Variants in NAPB observed in about 807,000 individuals in gnomAD.
The protein encoded by NAPB is NSF attachment protein beta.
NAPB carries 26 observed loss-of-function variants against 44.7 expected under a neutral mutation model. That is an observed-to-expected ratio of 0.58 (90% confidence interval 0.43 to 0.81). NAPB has a LOEUF of 0.81. NAPB is among the 30% of genes least tolerant of loss of function. The pLI is 0.00. For missense variants in NAPB, 315 were observed against 356.4 expected (o/e 0.88, Z 0.94); for synonymous variants, 120 against 116.8 (o/e 1.03, Z -0.18).
Position 23,421,433 on chromosome 20 carries a change from A to T in NAPB, c.-31T>A. The T allele has an allele frequency of 2.0e-6, 3 of 1,534,644 alleles. No homozygotes were observed. Among genetic ancestry groups the T allele is most frequent in the Non-Finnish European group, 2.6e-6 (3 of 1,139,058 alleles). On this transcript the variant is annotated 5_prime_UTR_variant, in exon 1 of 11. Transcript: ENST00000377026. ...CCGCCGCGGCCGCCACAGCCCCCTC[A>T]GCCGGCTCGCTGTGCGCCCAGGCGC... is the stretch of plus-strand genomic sequence containing the variant.
chr20:23,412,231 A>T (rs536979774), intron 1 of NAPB, among the ~76,000 whole-genome samples: 19 of 152,284 alleles, frequency 1.2e-4, no homozygotes, highest in African/African-American at 4.1e-4. Flanking sequence ...GAAGGGTAAA[A>T]GCCATGGCAG....
intron 1 of NAPB, among the ~76,000 whole-genome samples, chr20:23,405,174 A>G (rs1047350729): frequency 6.6e-6 from 1 of 152,044 alleles, no homozygotes; most frequent in African/African-American, 2.4e-5. Flanking sequence ...GTGTGGTGGC[A>G]CATGCCTGTA....
chr20:23,399,150 C>CAGAGCA (rs1000183373), intron 2 of NAPB, among the ~76,000 whole-genome samples: 8 of 152,048 alleles, frequency 5.3e-5, no homozygotes, highest in Non-Finnish European at 1.0e-4. Flanking sequence ...CTCTGTACCA[C>CAGAGCA]AGTTTCTGAT....
chr20:23,405,703 G>A (rs1985204846), intron 1 of NAPB, among the ~76,000 whole-genome samples: 1 of 152,126 alleles, frequency 6.6e-6, no homozygotes, highest in South Asian at 2.1e-4. Context: ...CAGCCTGGGT[G>A]ACACAGAGAC....
intron 1 of NAPB, among the ~76,000 whole-genome samples, chr20:23,413,804 C>T (rs912233022): frequency 1.3e-5 from 2 of 151,702 alleles, no homozygotes; most frequent in African/African-American, 4.8e-5. Flanking sequence ...ATTACAAACT[C>T]CAGAGACAAA....
At chr20:23,408,272 T>C (rs546968349) in intron 1 of NAPB, among the ~76,000 whole-genome samples, 1 of 152,326 alleles carries the variant, frequency 6.6e-6, no homozygotes. Context: ...CTTCTCATTA[T>C]TTACCAGCAG....
At chr20:23,394,662 T>C (rs1984219052) in intron 5 of NAPB, among the ~76,000 whole-genome samples, 1 of 152,222 alleles carries the variant, frequency 6.6e-6, no homozygotes, top group African/African-American at 2.4e-5. Flanking sequence ...TTGGCAATGC[T>C]AATGTTCTGA....
chr20:23,378,837 TGAGACA>T (rs1982750994), intron 10 of NAPB: 1 of 133,696 alleles, frequency 7.5e-6, no homozygotes, highest in Non-Finnish European at 1.7e-5. Flanking sequence ...TTTTTTTTTT[TGAGACA>T]GAGTCTCGCT....
At chr20:23,409,553 T>C (rs561537006) in intron 1 of NAPB, among the ~76,000 whole-genome samples, 51 of 152,370 alleles carry the variant, frequency 3.3e-4, no homozygotes, top group African/African-American at 1.2e-3. Context: ...GCTAGATTAA[T>C]TCAGAAATGA....
At chr20:23,414,174 T>C (rs1287995003) in intron 1 of NAPB, among the ~76,000 whole-genome samples, 1 of 151,946 alleles carries the variant, frequency 6.6e-6, no homozygotes, top group East Asian at 1.9e-4. Flanking sequence ...ATACAAAAAT[T>C]AGCTGGGCAT....
chr20:23,380,710 A>C (rs1260633059), intron 8 of NAPB: 1 of 153,184 alleles, frequency 6.5e-6, no homozygotes, highest in Admixed American at 6.5e-5. Context: ...TTTTTAGTAG[A>C]AACGGGGTTT....
chr20:23,377,320 G>T lies in NAPB; in HGVS notation c.*56C>A. 4 of 1,148,768 alleles carry T rather than the reference G, an allele frequency of 3.5e-6. No individual in the cohort carries two copies. The highest frequency in any genetic ancestry group is 4.3e-5 in the Admixed American group (2 of 46,566). 71.2% of individuals were successfully genotyped at this position (1,148,768 alleles called of 1,614,324 possible). On this transcript the variant is annotated 3_prime_UTR_variant, in exon 11 of 11. Coordinates refer to ENST00000377026, the MANE Select transcript of NAPB (RefSeq NM_022080.3). ...AATAGGCATCCCATAAAGATCACTT[G>T]ACCCTAAGACAAAACTAAAGAGGAG...
intron 5 of NAPB, among the ~76,000 whole-genome samples, chr20:23,392,847 A>C (rs922361790): frequency 1.3e-5 from 2 of 151,790 alleles, no homozygotes; most frequent in Non-Finnish European, 2.9e-5. Flanking sequence ...AGAAAAAAAG[A>C]GTATGTCACA....
chr20:23,385,868 C>T (rs1983478386), intron 7 of NAPB, among the ~76,000 whole-genome samples: 1 of 152,166 alleles, frequency 6.6e-6, no homozygotes. Context: ...CATTTATAAA[C>T]ATCACCCAAT....
At position 23,400,471 on chromosome 20, in the gene NAPB, G is replaced by A. The variant is rs186876542; in HGVS notation, c.178+2522C>T. Among the ~76,000 whole-genome samples the A allele has an allele frequency of 2.0e-4, 30 of 152,152 alleles. No individual in the cohort carries two copies. In the East Asian group the frequency reaches 5.2e-3, roughly 26 times the overall value. On this transcript the variant is annotated intron_variant, in intron 2 of 10. Coordinates refer to ENST00000377026, the MANE Select transcript of NAPB (RefSeq NM_022080.3). ...GCGGAGGTTGCAGTGAGCTGAGATC[G>A]CACCACTGCATTCTAGCCTGGACAA...
Position 23,397,105 on chromosome 20 carries a change from C to T in NAPB, c.262G>A (p.Ala88Thr). 6.2e-7 allele frequency: 1 copy of T among 1,613,604 alleles called. No homozygotes were observed. ...KHDSATSFVD[A>T]GNAYKKADPQ... ...TCTGCCTTTTTGTAAGCATTTCCAG[C>T]ATCCACAAAGCTGGTAGCAGAGTCA... Residue 88 changes from alanine to threonine, a missense_variant, in exon 3 of 11, where the codon GCT (alanine) becomes ACT (threonine). This residue lies in a region of NAPB where 179 missense variants were observed against 182.5 expected (regional missense o/e 0.98). Coordinates refer to ENST00000377026, the MANE Select transcript of NAPB (RefSeq NM_022080.3).
chr20:23,412,985 G>T (rs1316835928), intron 1 of NAPB, among the ~76,000 whole-genome samples: 1 of 152,024 alleles, frequency 6.6e-6, no homozygotes, highest in Non-Finnish European at 1.5e-5. Context: ...GTGAGACTCT[G>T]TCTCCAAAAA....
At chr20:23,384,495 A>G (rs1260416297) in intron 7 of NAPB, among the ~76,000 whole-genome samples, 1 of 151,988 alleles carries the variant, frequency 6.6e-6, no homozygotes, top group African/African-American at 2.4e-5. Context: ...GCATGTCTGT[A>G]GTCTCAGCTA....
intron 3 of NAPB, among the ~76,000 whole-genome samples, chr20:23,396,327 A>G (rs1320678876): frequency 2.0e-5 from 3 of 152,204 alleles, no homozygotes; most frequent in Non-Finnish European, 4.4e-5. Context: ...TGGGAAATAA[A>G]CTGTGATTAA....
Sources: gnomAD v4.1 joint callset for allele counts (sites outside exome capture counted in the v4.1 genomes callset) on GRCh38, gnomAD v4.1.1 for gene constraint, gnomAD v4.1.1 regional missense constraint, MANE v1.5 for transcripts, NCBI Gene and HGNC (gene_info 2026-07-23, HGNC 2026-07-21) for gene names.